The following DLGAP2 variants were observed in gnomAD, a reference collection of about 807,000 sequenced individuals.
DLGAP2 encodes the protein disks large-associated protein 2.
In DLGAP2, 26 loss-of-function variants were observed where a neutral mutation model predicts 100.3. The ratio of observed to expected loss-of-function variants is 0.26; its 90% confidence interval spans 0.19 to 0.36. DLGAP2 has a LOEUF of 0.36. Ranked by LOEUF, DLGAP2 falls within the 10% of genes least tolerant of loss-of-function variation. DLGAP2 has a pLI of 1.00. For missense variants in DLGAP2, 1,858 were observed against 1,453.2 expected (o/e 1.28, Z -4.53); for synonymous variants, 886 against 630.1 (o/e 1.41, Z -6.08).
chr8:1,693,524 A>G (rs545104078), intron 13 of DLGAP2, among the ~76,000 whole-genome samples: 3 of 152,132 alleles, frequency 2.0e-5, no homozygotes, highest in African/African-American at 7.2e-5. Flanking sequence ...TCAAATGCAA[A>G]TAGGTCTTCT....
intron 3 of DLGAP2, among the ~76,000 whole-genome samples, chr8:1,434,573 C>A (rs1797561737): frequency 6.6e-6 from 1 of 152,098 alleles, no homozygotes; most frequent in African/African-American, 2.4e-5. Context: ...ACCTCCTGGG[C>A]TCAAGCAATC....
intron 2 of DLGAP2, among the ~76,000 whole-genome samples, chr8:1,158,073 C>G (rs977577873): frequency 6.6e-6 from 1 of 152,224 alleles, no homozygotes; most frequent in Admixed American, 6.5e-5. Context: ...TGCACAGCTG[C>G]CCCTTGCAGG....
At chr8:900,380 G>A (rs527626084) in intron 1 of DLGAP2, among the ~76,000 whole-genome samples, 9 of 151,652 alleles carry the variant, frequency 5.9e-5, no homozygotes, top group East Asian at 5.8e-4. Context: ...GCTCCCGGGC[G>A]GATGGTGGGC....
At chr8:1,379,851 C>T (rs1398767650) in intron 3 of DLGAP2, 1 of 86,092 alleles carries the variant, frequency 1.2e-5, no homozygotes, top group Non-Finnish European at 3.0e-5. Flanking sequence ...CCCTCCCCTC[C>T]TGCTCGGTGG....
intron 8 of DLGAP2, among the ~76,000 whole-genome samples, chr8:1,660,899 G>A (rs973212790): frequency 7.9e-5 from 12 of 152,142 alleles, no homozygotes; most frequent in Non-Finnish European, 8.8e-5. Context: ...CCCCTTGAAT[G>A]GTGTCACCGA....
intron 3 of DLGAP2, among the ~76,000 whole-genome samples, chr8:1,458,961 A>G (rs1399137661): frequency 7.3e-5 from 11 of 150,526 alleles, no homozygotes; most frequent in Admixed American, 1.3e-4. Context: ...AGGAGTGACA[A>G]CCAGGTGGTT....
At chr8:1,203,232 C>A (rs56010758) in intron 2 of DLGAP2, among the ~76,000 whole-genome samples, 77,009 of 135,024 alleles carry the variant, frequency 0.57, 26,337 homozygotes, top group African/African-American at 0.85. Context: ...GCACCCACCC[C>A]TCAGTGTTAG....
intron 1 of DLGAP2, among the ~76,000 whole-genome samples, chr8:832,468 T>G (rs17752225): frequency 0.19 from 29,536 of 152,212 alleles, 3,664 homozygotes; most frequent in Admixed American, 0.39. Flanking sequence ...TGCATTCTTC[T>G]GGATTCATTT....
intron 3 of DLGAP2, among the ~76,000 whole-genome samples, chr8:1,442,695 T>C (rs6989849): frequency 1.7e-5 from 1 of 60,534 alleles, no homozygotes; most frequent in Admixed American, 1.9e-4. Context: ...TGTGGGTTCA[T>C]CCACTGGAGG....
chr8:850,167 A>C (rs922178282), intron 1 of DLGAP2, among the ~76,000 whole-genome samples: 4 of 151,920 alleles, frequency 2.6e-5, no homozygotes, highest in African/African-American at 9.7e-5. Context: ...ATTTGCAGAT[A>C]TATCTCCCCC....
intron 3 of DLGAP2, among the ~76,000 whole-genome samples, chr8:1,469,146 A>G (rs917028067): frequency 6.6e-6 from 1 of 152,188 alleles, no homozygotes; most frequent in African/African-American, 2.4e-5. Context: ...GGATGTGAGC[A>G]CCAGGCAGAG....
chr8:1,244,534 C>G (rs1330779897), intron 2 of DLGAP2, among the ~76,000 whole-genome samples: 4 of 152,134 alleles, frequency 2.6e-5, no homozygotes, highest in African/African-American at 9.7e-5. Context: ...ATATTTGCAA[C>G]AAATCTAAAG....
chr8:846,245 C>G (rs1048912170), intron 1 of DLGAP2, among the ~76,000 whole-genome samples: 6 of 152,198 alleles, frequency 3.9e-5, no homozygotes, highest in Non-Finnish European at 7.3e-5. Flanking sequence ...GTCTTCCTAT[C>G]TAACTGTAGC....
intron 3 of DLGAP2, among the ~76,000 whole-genome samples, chr8:1,316,274 C>T (rs1488874482): frequency 1.6e-4 from 20 of 128,516 alleles, no homozygotes; most frequent in Admixed American, 2.4e-4. Context: ...AGAGCGTGTG[C>T]GAGTGCAGCG....
At chr8:1,231,346 G>A (rs1027772550) in intron 2 of DLGAP2, among the ~76,000 whole-genome samples, 3 of 152,182 alleles carry the variant, frequency 2.0e-5, no homozygotes, top group Non-Finnish European at 4.4e-5. Context: ...AACAGATGCT[G>A]GTGAGGGTGC....
intron 1 of DLGAP2, among the ~76,000 whole-genome samples, chr8:885,861 C>A (rs1355127462): frequency 6.6e-6 from 1 of 152,146 alleles, no homozygotes; most frequent in Non-Finnish European, 1.5e-5. Context: ...CTGAAGTTTT[C>A]TTTTATTGTT....
At chr8:1,172,221 T>G (rs1389296160) in intron 2 of DLGAP2, among the ~76,000 whole-genome samples, 1 of 152,202 alleles carries the variant, frequency 6.6e-6, no homozygotes, top group Non-Finnish European at 1.5e-5. Context: ...CCCCACTCTC[T>G]TCTGGCTTGT....
At chr8:1,426,348 G>T (rs1797236270) in intron 3 of DLGAP2, among the ~76,000 whole-genome samples, 1 of 152,180 alleles carries the variant, frequency 6.6e-6, no homozygotes. Flanking sequence ...TCCATCTGGA[G>T]GGAAATGCTG....
chr8:1,144,742 AAC>A (rs1796576587), intron 2 of DLGAP2, among the ~76,000 whole-genome samples: 1 of 152,242 alleles, frequency 6.6e-6, no homozygotes, highest in African/African-American at 2.4e-5. Context: ...CCATCCAGGA[AAC>A]ACACAGCGCA....
Sources: allele counts gnomAD v4.1 joint callset (sites outside exome capture counted in the v4.1 genomes callset), GRCh38; gene constraint gnomAD v4.1.1; transcripts MANE v1.5; gene names NCBI Gene and HGNC (gene_info 2026-07-23, HGNC 2026-07-21).